DNAH14: variants seen among roughly 807,000 people sequenced by gnomAD.
The protein encoded by DNAH14 is axonemal beta dynein heavy chain 14.
A neutral mutation model predicts 520.9 loss-of-function variants in DNAH14; 478 were observed. That is an observed-to-expected ratio of 0.92 (90% CI 0.85 to 0.99). The LOEUF is 0.99. DNAH14 is among the 50% of genes least tolerant of loss of function. The pLI, the probability that DNAH14 is intolerant of heterozygous loss-of-function variation, is 0.00. For synonymous variants in DNAH14, 1,581 were observed against 1,757.2 expected, an observed-to-expected ratio of 0.90 and a Z score of 2.51; for missense variants, 4,831 against 5,234.5, an observed-to-expected ratio of 0.92 and a Z score of 2.38.
At chr1:225,335,844 T>C (rs1387614044) in intron 66 of DNAH14, among the ~76,000 whole-genome samples, 1 of 95,260 alleles carries the variant, frequency 1.0e-5, no homozygotes, top group African/African-American at 4.6e-5. Context: ...TATATGTACA[T>C]ACACATATGT....
At chr1:225,339,880 A>G (rs1004292517) in intron 68 of DNAH14, among the ~76,000 whole-genome samples, 1 of 152,138 alleles carries the variant, frequency 6.6e-6, no homozygotes, top group African/African-American at 2.4e-5. Flanking sequence ...CATTTCTCAC[A>G]TGTAACCCAG....
At chr1:225,348,699 A>T (rs2095322244) in intron 71 of DNAH14, among the ~76,000 whole-genome samples, 1 of 152,222 alleles carries the variant, frequency 6.6e-6, no homozygotes, top group South Asian at 2.1e-4. Context: ...TACCACTAGA[A>T]CTGCTCTACA....
chr1:225,006,759 TCC>T (rs1298958755), intron 9 of DNAH14, among the ~76,000 whole-genome samples: 1 of 152,154 alleles, frequency 6.6e-6, no homozygotes, highest in Non-Finnish European at 1.5e-5. Context: ...GATCTTGCTC[TCC>T]CATTTGCCTT....
At position 225,119,746 on chromosome 1, in the gene DNAH14, T is replaced by C. The variant is rs77359372; in HGVS notation, c.4166+452T>C. Among the ~76,000 whole-genome samples the C allele has an allele frequency of 1.9e-3, 288 of 152,326 alleles. 6 individuals are homozygous for C. In the East Asian group the frequency reaches 0.052, roughly 27 times the overall value. On this transcript the variant is annotated intron_variant, in intron 26 of 85. Coordinates refer to ENST00000682510, the MANE Select transcript of DNAH14 (RefSeq NM_001367479.1). ...AGTCTATCATTGCATCTGTTTAGAATGAAGAAAAAAACCTCAGAGCGTGAA... is the reference window on the plus strand; with the variant it reads ...AGTCTATCATTGCATCTGTTTAGAACGAAGAAAAAAACCTCAGAGCGTGAA...
intron 27 of DNAH14, among the ~76,000 whole-genome samples, chr1:225,133,690 T>C (rs2078670674): frequency 6.6e-6 from 1 of 152,124 alleles, no homozygotes; most frequent in Non-Finnish European, 1.5e-5. Context: ...TTTTGCTTAG[T>C]ATTGACTTGG....
At chr1:225,313,086 A>T (rs2094400807) in intron 60 of DNAH14, among the ~76,000 whole-genome samples, 1 of 151,942 alleles carries the variant, frequency 6.6e-6, no homozygotes. Flanking sequence ...CTGTTTTTTC[A>T]GTTGGTAGGC....
At chr1:225,050,476 T>C (rs2148304178) in intron 16 of DNAH14, 100 bp downstream of exon 16, 1 of 1,231,548 alleles carries the variant, frequency 8.1e-7, no homozygotes, top group South Asian at 1.7e-5. Flanking sequence ...GGTATCCTAT[T>C]CATAGCAATT....
At chr1:225,220,486 A>C (rs2089938692) in intron 41 of DNAH14, among the ~76,000 whole-genome samples, 2 of 152,202 alleles carry the variant, frequency 1.3e-5, no homozygotes, top group African/African-American at 4.8e-5. Flanking sequence ...ACGTGCAAAA[A>C]TCACAAGCAT....
chr1:225,279,516 T>G (rs1480682813), intron 54 of DNAH14, among the ~76,000 whole-genome samples: 2 of 152,190 alleles, frequency 1.3e-5, no homozygotes, highest in Non-Finnish European at 2.9e-5. Context: ...AATGGTTATC[T>G]AGATTGGACA....
intron 1 of DNAH14, among the ~76,000 whole-genome samples, chr1:224,931,238 A>G (rs1397729135): frequency 6.6e-6 from 1 of 152,246 alleles, no homozygotes; most frequent in African/African-American, 2.4e-5. Context: ...AAATATTTCT[A>G]TACAGCTGTA....
At chr1:225,356,528 T>C (rs1023154762) in intron 73 of DNAH14, among the ~76,000 whole-genome samples, 2 of 152,204 alleles carry the variant, frequency 1.3e-5, no homozygotes, top group African/African-American at 4.8e-5. Context: ...ACTCTACATG[T>C]GGATTATTGA....
intron 48 of DNAH14, 59 bp from the exon 49 acceptor site, chr1:225,266,582 T>G: frequency 7.9e-7 from 1 of 1,273,786 alleles, no homozygotes; most frequent in African/African-American, 1.6e-5. Flanking sequence ...TATTCCTAAT[T>G]CATAATTTAA....
chr1:225,274,218 T>TTTTTTG, intron 52 of DNAH14, among the ~76,000 whole-genome samples: 2 of 136,448 alleles, frequency 1.5e-5, no homozygotes, highest in Non-Finnish European at 3.1e-5. Context: ...TTTTTTTTTT[T>TTTTTTG]TTTTGAGACG....
chr1:224,991,862 C>T (rs1272493904), intron 8 of DNAH14, among the ~76,000 whole-genome samples: 6 of 151,966 alleles, frequency 3.9e-5, no homozygotes, highest in South Asian at 4.1e-4. Context: ...TGAACATACG[C>T]GAAAAAGGTC....
chr1:225,266,878 C>T, intron 49 of DNAH14, 109 bp downstream of exon 49: 1 of 1,075,066 alleles, frequency 9.3e-7, no homozygotes, highest in Non-Finnish European at 1.3e-6. Context: ...AAATTCTGGC[C>T]ATATGGACAT....
intron 6 of DNAH14, 108 bp downstream of exon 6, chr1:224,967,691 C>A: frequency 1.3e-6 from 2 of 1,597,362 alleles, no homozygotes; most frequent in South Asian, 2.3e-5. Flanking sequence ...GATACTTGGT[C>A]ATTTGTGGAG....
At chr1:225,378,056 T>C (rs1046219824) in intron 79 of DNAH14, among the ~76,000 whole-genome samples, 2 of 152,100 alleles carry the variant, frequency 1.3e-5, no homozygotes, top group African/African-American at 4.8e-5. Flanking sequence ...TTATCTCTTT[T>C]AATTGGGGTC....
intron 1 of DNAH14, among the ~76,000 whole-genome samples, chr1:224,938,184 A>G (rs2059163720): frequency 1.3e-5 from 2 of 152,208 alleles, no homozygotes; most frequent in African/African-American, 4.8e-5. Flanking sequence ...ACCAAAGCAA[A>G]AAGAGATTAT....
At chr1:225,152,965 G>T in intron 33 of DNAH14, 82 bp downstream of exon 33, 1 of 1,363,344 alleles carries the variant, frequency 7.3e-7, no homozygotes, top group Non-Finnish European at 1.0e-6. Flanking sequence ...ATTGGTCCAG[G>T]GATGACCTGG....
Sources: allele counts gnomAD v4.1 joint callset (sites outside exome capture counted in the v4.1 genomes callset), GRCh38; gene constraint gnomAD v4.1.1; transcripts MANE v1.5; gene names NCBI Gene and HGNC (gene_info 2026-07-23, HGNC 2026-07-21).